Variants in NRK observed in about 807,000 individuals in gnomAD.
NRK encodes the protein Nik related kinase.
NRK carries 67 observed loss-of-function variants against 125.2 expected under a neutral mutation model. That is an observed-to-expected ratio of 0.54 (90% confidence interval 0.44 to 0.66). The LOEUF (loss-of-function observed/expected upper bound fraction) is 0.66. Among genes scored for constraint, NRK ranks in the 30% least tolerant of loss-of-function variants. The pLI is 0.00. For synonymous variants in NRK, 458 were observed against 429.0 expected, an observed-to-expected ratio of 1.07 and a Z score of -0.84; for missense variants, 1,224 against 1,192.9, an observed-to-expected ratio of 1.03 and a Z score of -0.38.
At position 105,916,381 on chromosome X, in the gene NRK, A is replaced by G. The variant is rs749398498; in HGVS notation, c.2417+584A>G. Among the ~76,000 whole-genome samples the G allele has an allele frequency of 1.9e-3, 216 of 111,091 alleles. 3 individuals are homozygous for G. The highest frequency in any genetic ancestry group is 6.8e-3 in the African/African-American group (208 of 30,736). On this transcript the variant is annotated intron_variant, in intron 15 of 28. Transcript: ENST00000243300. ...TCAGATATTGTGTGCATTCTGTTAT[A>G]TTTGAAAACTAAATTTTAAGGTAGA...
intron 1 of NRK, among the ~76,000 whole-genome samples, chrX:105,826,486 A>G (rs1459385199): frequency 1.0e-5 from 1 of 100,476 alleles, no homozygotes; most frequent in Admixed American, 1.2e-4. Flanking sequence ...TTTCACTATG[A>G]CTATCCCCTT....
intron 5 of NRK, among the ~76,000 whole-genome samples, chrX:105,893,374 C>G (rs1569303407): frequency 9.0e-6 from 1 of 111,426 alleles, no homozygotes; most frequent in Non-Finnish European, 1.9e-5. Flanking sequence ...GAAATGTAAA[C>G]TCTTTTGAGA....
In NRK at chrX:105,944,011, A is replaced by G; in HGVS notation, c.4029A>G (p.Pro1343=). 8.6e-7 allele frequency: 1 copy of G among 1,159,623 alleles called. No individual in the cohort carries two copies. The highest frequency in any genetic ancestry group is 1.2e-6 in the Non-Finnish European group (1 of 853,142). ...KSSIHLYAWA[P]KSFDESTAIK... ...CAATTCACCTTTATGCATGGGCACC[A>G]AAGTCCTTTGATGAAAGCACTGCTA... The change falls in exon 24 of 29, where the codon CCA becomes CCG. Residue 1343 remains proline (P), a synonymous_variant. Transcript: ENST00000243300.
At chrX:105,908,649 G>A in intron 12 of NRK, 78 bp from the exon 13 acceptor site, 3 of 1,100,519 alleles carry the variant, frequency 2.7e-6, no homozygotes, top group Non-Finnish European at 3.6e-6. Context: ...ATCTTTTAAA[G>A]TAAAAACAAT....
intron 2 of NRK, among the ~76,000 whole-genome samples, chrX:105,847,486 A>C (rs752476694): frequency 2.0e-4 from 23 of 112,372 alleles, no homozygotes; most frequent in Admixed American, 1.7e-3. Context: ...AGTTTTATGT[A>C]AAATATTTCA....
At chrX:105,951,157 G>A (rs2040892539) in intron 27 of NRK, among the ~76,000 whole-genome samples, 1 of 110,911 alleles carries the variant, frequency 9.0e-6, no homozygotes, top group African/African-American at 3.3e-5. Flanking sequence ...CAGATTCGGG[G>A]CAAAAGAAAG....
chrX:105,948,779 T>G, intron 26 of NRK: 1 of 289,152 alleles, frequency 3.5e-6, no homozygotes, highest in Non-Finnish European at 5.7e-6. Context: ...GTTTCTGACT[T>G]TTTTTTTTTT....
chrX:105,947,853 C>T (rs2040837100), intron 26 of NRK, among the ~76,000 whole-genome samples: 2 of 112,056 alleles, frequency 1.8e-5, no homozygotes, highest in Non-Finnish European at 3.8e-5. Context: ...ATTGTCAGGA[C>T]ATTAGTGGGG....
intron 1 of NRK, among the ~76,000 whole-genome samples, chrX:105,823,304 T>C (rs1204928227): frequency 1.8e-5 from 2 of 112,107 alleles, no homozygotes; most frequent in African/African-American, 6.5e-5. Context: ...CTTCCTGTTA[T>C]CCCGCCGCCC....
intron 3 of NRK, among the ~76,000 whole-genome samples, chrX:105,881,343 A>G (rs915223103): frequency 9.0e-6 from 1 of 111,433 alleles, no homozygotes; most frequent in African/African-American, 3.2e-5. Flanking sequence ...AACTTAAGAG[A>G]CCTTGACATA....
Position 105,838,518 on chromosome X carries a change from G to A in NRK, c.123+7399G>A, listed in dbSNP as rs186225471. Reference sequence around the variant, plus strand: ...CCTAATATCAGTCACCTACTCCTACGTTACCATTTGCAGGTGGTGAGGACA... The same window carrying A: ...CCTAATATCAGTCACCTACTCCTACATTACCATTTGCAGGTGGTGAGGACA... On this transcript the variant is annotated intron_variant, in intron 2 of 28. Coordinates refer to ENST00000243300, the MANE Select transcript of NRK (RefSeq NM_198465.4). Among the ~76,000 whole-genome samples the A allele has an allele frequency of 1.4e-4, 15 of 111,090 alleles. No individual in the cohort carries two copies. In the East Asian group the frequency reaches 3.4e-3, roughly 25 times the overall value.
chrX:105,950,839 G>C (rs1569322067), intron 27 of NRK, among the ~76,000 whole-genome samples: 1 of 109,623 alleles, frequency 9.1e-6, no homozygotes, highest in Non-Finnish European at 1.9e-5. Flanking sequence ...GAGAGAGAGA[G>C]AGAGAGAGAT....
Position 105,881,787 on chromosome X carries a change from C to G in NRK, c.252+8C>G, listed in dbSNP as rs1569300275. 2 of 1,021,905 alleles carry G rather than the reference C, an allele frequency of 2.0e-6. No individual in the cohort carries two copies. The highest frequency in any genetic ancestry group is 1.3e-6 in the Non-Finnish European group (1 of 741,011). The allele number at this position is 1,021,905 out of a possible 1,213,427, so 84.2% of individuals were successfully genotyped here. A position where few individuals can be genotyped will look rare whatever the true frequency, so the allele number is the denominator to read the frequency against. Reference sequence around the variant, plus strand: ...GTTGGGTGGAGATACAGTGTGAGTACTAAAAGTTCTCATTAATACCCAAGT... The same window carrying G: ...GTTGGGTGGAGATACAGTGTGAGTAGTAAAAGTTCTCATTAATACCCAAGT... On this transcript the variant is annotated splice_region_variant and intron_variant, in intron 4 of 28. Coordinates refer to ENST00000243300, the MANE Select transcript of NRK (RefSeq NM_198465.4).
intron 11 of NRK, among the ~76,000 whole-genome samples, chrX:105,906,905 GTAAC>G (rs754713580): frequency 1.8e-5 from 2 of 108,681 alleles, no homozygotes; most frequent in South Asian, 4.1e-4. Context: ...CCAATTTTAA[GTAAC>G]TAACTAAATA....
chrX:105,896,242 C>T (rs1290751498), intron 7 of NRK, among the ~76,000 whole-genome samples: 1 of 111,667 alleles, frequency 9.0e-6, no homozygotes, highest in Non-Finnish European at 1.9e-5. Context: ...AAAATCATGT[C>T]AGTACATTGT....
In NRK at chrX:105,921,980, A is replaced by G; in HGVS notation, c.2529A>G (p.Glu843=). Residue 843 remains glutamate, a synonymous_variant, in exon 17 of 29, where the codon GAA becomes GAG. Transcript: ENST00000243300. Reference sequence around the variant, plus strand: ...ATTCCATAGAATCTTCTTCTGAGGAAGAAAGTCCTGTGACTGGAAGGAGGT... The same window carrying G: ...ATTCCATAGAATCTTCTTCTGAGGAGGAAAGTCCTGTGACTGGAAGGAGGT... ...WLAASESSSE[E]ESPVTGRRSQ... 1.7e-6 allele frequency: 2 copies of G among 1,158,045 alleles called. No homozygotes were observed. The highest frequency in any genetic ancestry group is 1.8e-5 in the South Asian group (1 of 54,134).
At chrX:105,871,409 G>T (rs1177286767) in intron 2 of NRK, among the ~76,000 whole-genome samples, 2 of 110,838 alleles carry the variant, frequency 1.8e-5, no homozygotes, top group Non-Finnish European at 3.8e-5. Context: ...ATATCATGGA[G>T]CCCACTGGGC....
chrX:105,882,666 ATC>A (rs1203506731), intron 4 of NRK, among the ~76,000 whole-genome samples: 1 of 110,939 alleles, frequency 9.0e-6, no homozygotes, highest in Admixed American at 9.7e-5. Context: ...TACTAACACA[ATC>A]ACATTCAGAA....
At chrX:105,931,898 A>G (rs923631853) in intron 19 of NRK, among the ~76,000 whole-genome samples, 1 of 111,510 alleles carries the variant, frequency 9.0e-6, no homozygotes, top group African/African-American at 3.3e-5. Context: ...AAGTGTACAA[A>G]CCAGTTGGAT....
Sources: gnomAD v4.1 joint callset for allele counts (sites outside exome capture counted in the v4.1 genomes callset) on GRCh38, gnomAD v4.1.1 for gene constraint, MANE v1.5 for transcripts, NCBI Gene and HGNC (gene_info 2026-07-23, HGNC 2026-07-21) for gene names.